EXOC4: variants seen among roughly 807,000 people sequenced by gnomAD.
EXOC4 encodes the protein exocyst complex component 4.
Under a neutral mutation model 107.2 loss-of-function variants are expected in EXOC4, and 71 were observed. The ratio of observed to expected loss-of-function variants is 0.66; its 90% CI spans 0.55 to 0.81. EXOC4 has a LOEUF of 0.81. EXOC4 is among the 30% of genes least tolerant of loss of function. The probability of loss-of-function intolerance (pLI) is 0.00; values close to 1 mark genes in which losing one functional copy is unlikely to be tolerated. For synonymous variants in EXOC4, 456 were observed against 441.2 expected, an observed-to-expected ratio of 1.03 and a Z score of -0.42; for missense variants, 1,108 against 1,189.6, an observed-to-expected ratio of 0.93 and a Z score of 1.01.
chr7:133,507,556 A>G (rs1025407994), intron 9 of EXOC4, among the ~76,000 whole-genome samples: 1 of 152,212 alleles, frequency 6.6e-6, no homozygotes, highest in Non-Finnish European at 1.5e-5. Flanking sequence ...TACATGTGCC[A>G]TGCAAATAGG....
At chr7:133,282,190 A>G (rs913989306) in intron 2 of EXOC4, among the ~76,000 whole-genome samples, 22 of 152,000 alleles carry the variant, frequency 1.4e-4, no homozygotes, top group Non-Finnish European at 2.9e-4. Flanking sequence ...AAAAATTTCA[A>G]CTTCTCTGCC....
intron 10 of EXOC4, among the ~76,000 whole-genome samples, chr7:133,710,154 A>G (rs545161717): frequency 6.6e-6 from 1 of 152,310 alleles, no homozygotes; most frequent in Non-Finnish European, 1.5e-5. Flanking sequence ...GAAGTGCAGC[A>G]GAAGCAGCAA....
intron 11 of EXOC4, among the ~76,000 whole-genome samples, chr7:133,826,908 A>T (rs949006903): frequency 6.6e-6 from 1 of 152,132 alleles, no homozygotes; most frequent in African/African-American, 2.4e-5. Context: ...ATTCTTCTAT[A>T]TTTGTTTTAT....
intron 7 of EXOC4, among the ~76,000 whole-genome samples, chr7:133,432,087 C>G (rs1797868966): frequency 6.6e-6 from 1 of 152,058 alleles, no homozygotes; most frequent in Non-Finnish European, 1.5e-5. Flanking sequence ...CATAAGTCTA[C>G]TATGATCATA....
intron 9 of EXOC4, among the ~76,000 whole-genome samples, chr7:133,590,537 C>T (rs1434567245): frequency 9.9e-5 from 15 of 152,066 alleles, no homozygotes; most frequent in Non-Finnish European, 5.9e-5. Flanking sequence ...CCATAAAAAC[C>T]CCAGGCTCCA....
At chr7:133,987,763 G>C (rs1794152698) in intron 14 of EXOC4, among the ~76,000 whole-genome samples, 1 of 151,772 alleles carries the variant, frequency 6.6e-6, no homozygotes, top group African/African-American at 2.4e-5. Flanking sequence ...TTTCTCACTT[G>C]CCTGACAGCT....
chr7:133,934,542 C>A (rs745367381), intron 13 of EXOC4, among the ~76,000 whole-genome samples: 2 of 152,168 alleles, frequency 1.3e-5, no homozygotes, highest in Non-Finnish European at 2.9e-5. Context: ...ACACGGCAGA[C>A]ATGCCCAGGG....
intron 7 of EXOC4, among the ~76,000 whole-genome samples, chr7:133,460,826 A>G (rs992202270): frequency 2.0e-5 from 3 of 152,230 alleles, no homozygotes; most frequent in Non-Finnish European, 4.4e-5. Context: ...AAGCATTTTA[A>G]TAAGATACTT....
At chr7:134,042,190 C>A (rs1429851358) in intron 17 of EXOC4, among the ~76,000 whole-genome samples, 1 of 152,126 alleles carries the variant, frequency 6.6e-6, no homozygotes, top group Non-Finnish European at 1.5e-5. Context: ...AAAGATACAG[C>A]GACTTTAAGT....
chr7:133,970,388 G>A (rs1471259500), intron 14 of EXOC4, among the ~76,000 whole-genome samples: 1 of 151,704 alleles, frequency 6.6e-6, no homozygotes, highest in East Asian at 1.9e-4. Flanking sequence ...GCACCACTGT[G>A]GTATGAAAAA....
chr7:133,585,242 T>C (rs1801374354), intron 9 of EXOC4, among the ~76,000 whole-genome samples: 1 of 152,226 alleles, frequency 6.6e-6, no homozygotes, highest in Admixed American at 6.5e-5. Context: ...CCTTGTGTTA[T>C]CTGTGTAACT....
intron 17 of EXOC4, among the ~76,000 whole-genome samples, chr7:134,054,096 C>T (rs1795866661): frequency 6.6e-6 from 1 of 152,168 alleles, no homozygotes; most frequent in Admixed American, 6.5e-5. Context: ...CAGGTGCGCA[C>T]TACCACGCCC....
At chr7:133,296,801 T>C (rs1794529492) in intron 3 of EXOC4, among the ~76,000 whole-genome samples, 1 of 152,144 alleles carries the variant, frequency 6.6e-6, no homozygotes, top group Non-Finnish European at 1.5e-5. Context: ...CAATTTCCAT[T>C]TGGCTTGCTT....
intron 9 of EXOC4, among the ~76,000 whole-genome samples, chr7:133,560,779 A>G (rs1800790336): frequency 6.6e-6 from 1 of 152,188 alleles, no homozygotes; most frequent in Admixed American, 6.5e-5. Flanking sequence ...TTTTCTTATA[A>G]TCTTGTCATT....
intron 14 of EXOC4, among the ~76,000 whole-genome samples, chr7:133,977,750 G>T (rs1371615036): frequency 1.5e-3 from 223 of 152,022 alleles, no homozygotes; most frequent in South Asian, 5.6e-3. Flanking sequence ...GTGTGTGTGT[G>T]TGTGTGTGTG....
chr7:133,382,460 G>A (rs2150703073), intron 7 of EXOC4, among the ~76,000 whole-genome samples: 1 of 152,224 alleles, frequency 6.6e-6, no homozygotes, highest in East Asian at 1.9e-4. Flanking sequence ...TCATTTATAT[G>A]GAGGGTTTAG....
chr7:133,606,514 A>AT (rs1412133574), intron 9 of EXOC4, among the ~76,000 whole-genome samples: 385 of 142,892 alleles, frequency 2.7e-3, no homozygotes, highest in South Asian at 4.4e-3. Context: ...TATTATTATT[A>AT]TTATTTTTTT....
chr7:133,711,268 A>G (rs528702884), intron 10 of EXOC4, among the ~76,000 whole-genome samples: 5 of 152,260 alleles, frequency 3.3e-5, no homozygotes, highest in South Asian at 4.1e-4. Flanking sequence ...TTCAGATTCA[A>G]TCTGTCTGCA....
At chr7:133,675,315 G>C (rs1396555121) in intron 10 of EXOC4, among the ~76,000 whole-genome samples, 1 of 152,126 alleles carries the variant, frequency 6.6e-6, no homozygotes, top group Non-Finnish European at 1.5e-5. Context: ...GGGCCATTCT[G>C]TTTTATGGTT....
Sources: gnomAD v4.1 joint callset for allele counts (sites outside exome capture counted in the v4.1 genomes callset) on GRCh38, gnomAD v4.1.1 for gene constraint, MANE v1.5 for transcripts, NCBI Gene and HGNC (gene_info 2026-07-23, HGNC 2026-07-21) for gene names.